Variants in SCAI observed in about 807,000 individuals in gnomAD.
SCAI encodes suppressor of cancer cell invasion.
Under a neutral mutation model 92.2 loss-of-function variants are expected in SCAI, and 24 were observed. The ratio of observed to expected loss-of-function variants is 0.26; its 90% CI spans 0.19 to 0.37. The LOEUF (loss-of-function observed/expected upper bound fraction) is 0.37. Among genes scored for constraint, SCAI ranks in the 10% least tolerant of loss-of-function variants. The pLI is 1.00. For synonymous variants in SCAI, 261 were observed against 258.6 expected, an observed-to-expected ratio of 1.01 and a Z score of -0.09; for missense variants, 450 against 736.2, an observed-to-expected ratio of 0.61 and a Z score of 4.50.
chr9:125,003,514 C>A lies in SCAI; in HGVS notation c.918G>T (p.Arg306Ser). ...DMFRMLQALE[R>S]EPMNLASQMN... ...TCTGGGAAGCTAAATTCATTGGCTC[C>A]CTTTCCAGAGCTTGTAACATCCGGA... The change falls in exon 10 of 18, where the codon AGG becomes AGT. Residue 306 changes from arginine (R) to serine (S), a missense_variant. Transcript: ENST00000336505. 1 of 1,613,612 alleles carries A rather than the reference C, an allele frequency of 6.2e-7. No homozygotes were observed. Among genetic ancestry groups the A allele is most frequent in the Non-Finnish European group, 8.5e-7 (1 of 1,179,598 alleles).
At chr9:125,084,253 C>A (rs1208841008) in intron 2 of SCAI, among the ~76,000 whole-genome samples, 3 of 144,058 alleles carry the variant, frequency 2.1e-5, no homozygotes, top group African/African-American at 7.8e-5. Flanking sequence ...TCACTGCAAG[C>A]TCCGCCTCCC....
At chr9:125,115,587 G>C (rs1835029715) in intron 2 of SCAI, among the ~76,000 whole-genome samples, 1 of 151,892 alleles carries the variant, frequency 6.6e-6, no homozygotes, top group African/African-American at 2.4e-5. Flanking sequence ...TCCTAATGTT[G>C]AATGAATAAA....
At chr9:125,042,634 T>TACACACACACAC (rs1554783862) in intron 3 of SCAI, among the ~76,000 whole-genome samples, 27 of 96,214 alleles carry the variant, frequency 2.8e-4, no homozygotes, top group Middle Eastern at 6.3e-3. Context: ...TGTGTGTGTG[T>TACACACACACAC]ACACACACAC....
At chr9:125,053,687 A>T (rs1833608040) in intron 3 of SCAI, among the ~76,000 whole-genome samples, 1 of 152,206 alleles carries the variant, frequency 6.6e-6, no homozygotes, top group Non-Finnish European at 1.5e-5. Flanking sequence ...CACTGCTAAT[A>T]GGAACCGGAT....
chr9:125,114,916 G>A (rs989407504), intron 2 of SCAI, among the ~76,000 whole-genome samples: 2 of 151,980 alleles, frequency 1.3e-5, no homozygotes, highest in Non-Finnish European at 2.9e-5. Context: ...TGGGATTACA[G>A]GCATGCACAC....
intron 2 of SCAI, among the ~76,000 whole-genome samples, chr9:125,129,222 C>CTT (rs1259781690): frequency 6.6e-6 from 1 of 151,728 alleles, no homozygotes; most frequent in Non-Finnish European, 1.5e-5. Context: ...GAGCCGATCA[C>CTT]TTGAGGTCAG....
At chr9:125,032,409 C>T (rs1452741939) in intron 3 of SCAI, among the ~76,000 whole-genome samples, 1 of 151,296 alleles carries the variant, frequency 6.6e-6, no homozygotes, top group African/African-American at 2.4e-5. Context: ...TCAGGGTGGT[C>T]TCGAACTCCT....
At chr9:125,026,771 T>C (rs750747722) in intron 6 of SCAI, 41 bp downstream of exon 6, 10 of 996,980 alleles carry the variant, frequency 1.0e-5, no homozygotes, top group African/African-American at 1.6e-5. Context: ...TAAGACTGAA[T>C]GTTTTATCCT....
chr9:124,954,607 C>T (rs768347001), intron 17 of SCAI, among the ~76,000 whole-genome samples: 1 of 152,150 alleles, frequency 6.6e-6, no homozygotes, highest in Non-Finnish European at 1.5e-5. Flanking sequence ...TATTAAGATA[C>T]AATTAACATA....
intron 2 of SCAI, among the ~76,000 whole-genome samples, chr9:125,095,628 C>T (rs1005458051): frequency 1.3e-5 from 2 of 152,178 alleles, no homozygotes; most frequent in Non-Finnish European, 2.9e-5. Context: ...AAATGATGGC[C>T]AGTGGGATTT....
At chr9:125,113,662 G>GTT (rs1564418851) in intron 2 of SCAI, among the ~76,000 whole-genome samples, 1 of 126,748 alleles carries the variant, frequency 7.9e-6, no homozygotes, top group Non-Finnish European at 1.7e-5. Context: ...AAAGTATAAA[G>GTT]ATTTTTTTTT....
intron 17 of SCAI, among the ~76,000 whole-genome samples, chr9:124,959,483 T>TATATAC (rs1831391803): frequency 1.4e-5 from 2 of 141,844 alleles, no homozygotes; most frequent in South Asian, 4.3e-4. Context: ...TATATATATA[T>TATATAC]ACACACACAC....
chr9:125,051,986 G>C (rs1318649056), intron 3 of SCAI, among the ~76,000 whole-genome samples: 1 of 152,142 alleles, frequency 6.6e-6, no homozygotes, highest in Non-Finnish European at 1.5e-5. Context: ...GGCAGAGGCT[G>C]CACTGAGCCG....
At chr9:125,039,392 A>G (rs1833270364) in intron 3 of SCAI, among the ~76,000 whole-genome samples, 1 of 151,422 alleles carries the variant, frequency 6.6e-6, no homozygotes, top group Non-Finnish European at 1.5e-5. Flanking sequence ...TCTCAAAAAA[A>G]AAAAAAAAAA....
At position 125,014,874 on chromosome 9, in the gene SCAI, G is replaced by A. The variant is rs552896427; in HGVS notation, c.861+3925C>T. The stretch of plus-strand genomic sequence containing the variant: ...ACAGAACAGAGCCCTCAGAAATAAC[G>A]CCACGTATCTACAACTATCTGATCT... On this transcript the variant is annotated intron_variant, in intron 9 of 17. Transcript: ENST00000336505. Among the ~76,000 whole-genome samples the A allele has an allele frequency of 2.3e-4, 35 of 152,132 alleles. 1 individual carries two copies. The East Asian group carries it at 3.9e-3, about 17-fold the overall frequency.
chr9:125,005,675 T>G (rs1398709931), intron 9 of SCAI, among the ~76,000 whole-genome samples: 1 of 152,272 alleles, frequency 6.6e-6, no homozygotes, highest in East Asian at 1.9e-4. Flanking sequence ...AGGAGATAAG[T>G]GGGCACTAAT....
At chr9:125,083,500 A>G (rs2131183774) in intron 2 of SCAI, among the ~76,000 whole-genome samples, 1 of 145,034 alleles carries the variant, frequency 6.9e-6, no homozygotes, top group Middle Eastern at 3.7e-3. Flanking sequence ...CCTATGCGAC[A>G]CAGTGAGACT....
chr9:124,957,864 G>C (rs1372810959), intron 17 of SCAI, among the ~76,000 whole-genome samples: 1 of 151,810 alleles, frequency 6.6e-6, no homozygotes, highest in Admixed American at 6.6e-5. Flanking sequence ...TGTATTTTTA[G>C]TAGAGATATG....
chr9:125,035,852 G>T (rs569696471), intron 3 of SCAI, among the ~76,000 whole-genome samples: 1 of 152,318 alleles, frequency 6.6e-6, no homozygotes, highest in South Asian at 2.1e-4. Context: ...GAGGCCAGGA[G>T]TTCGAGACCA....
Sources: allele counts gnomAD v4.1 joint callset (sites outside exome capture counted in the v4.1 genomes callset), GRCh38; gene constraint gnomAD v4.1.1; transcripts MANE v1.5; gene names NCBI Gene and HGNC (gene_info 2026-07-23, HGNC 2026-07-21).